CEP162: variants seen among roughly 807,000 people sequenced by gnomAD.
CEP162 encodes the protein centrosomal protein 162.
A neutral mutation model predicts 169.2 loss-of-function variants in CEP162; 141 were observed. The ratio of observed to expected loss-of-function variants is 0.83; its 90% CI spans 0.73 to 0.96. The LOEUF is 0.96. Ranked by LOEUF, CEP162 falls within the 40% of genes least tolerant of loss-of-function variation. The pLI, the probability that CEP162 is intolerant of heterozygous loss-of-function variation, is 0.00. For missense variants in CEP162, 1,600 were observed against 1,587.2 expected, an observed-to-expected ratio of 1.01 and a Z score of -0.14; for synonymous variants, 540 against 526.4, an observed-to-expected ratio of 1.03 and a Z score of -0.35.
chr6:84,209,619 C>A (rs2099548658), intron 6 of CEP162, among the ~76,000 whole-genome samples: 1 of 152,176 alleles, frequency 6.6e-6, no homozygotes, highest in Non-Finnish European at 1.5e-5. Context: ...AGGTGATCCA[C>A]CCGCCTTGGC....
intron 6 of CEP162, among the ~76,000 whole-genome samples, chr6:84,209,168 C>A (rs370060721): frequency 6.6e-6 from 1 of 152,162 alleles, no homozygotes; most frequent in African/African-American, 2.4e-5. Context: ...CTACTTTCAG[C>A]TGTAGAACCA....
chr6:84,173,198 T>C (rs970806649), intron 16 of CEP162, among the ~76,000 whole-genome samples: 8 of 152,198 alleles, frequency 5.3e-5, no homozygotes. Context: ...TAACTTTCAT[T>C]GATCGATTGC....
chr6:84,157,662 G>A (rs558652209), intron 21 of CEP162, among the ~76,000 whole-genome samples: 6 of 151,514 alleles, frequency 4.0e-5, no homozygotes, highest in South Asian at 4.2e-4. Flanking sequence ...GTGAGACAAC[G>A]TCTCAAAAAA....
At chr6:84,206,519 G>A (rs1481423128) in intron 6 of CEP162, among the ~76,000 whole-genome samples, 3 of 152,228 alleles carry the variant, frequency 2.0e-5, no homozygotes, top group Non-Finnish European at 2.9e-5. Context: ...CTAGCCATAT[G>A]TAGAAAGCTG....
chr6:84,211,824 A>T (rs148800064), intron 6 of CEP162, among the ~76,000 whole-genome samples: 2 of 151,722 alleles, frequency 1.3e-5, no homozygotes, highest in East Asian at 3.9e-4. Context: ...CCATAGATCA[A>T]TGATGCTCAA....
intron 18 of CEP162, among the ~76,000 whole-genome samples, chr6:84,165,025 T>C (rs2099527287): frequency 6.6e-6 from 1 of 151,904 alleles, no homozygotes; most frequent in Admixed American, 6.6e-5. Flanking sequence ...GCCAGAGACC[T>C]CCTTGCTGTG....
At chr6:84,168,393 C>T (rs1018531726) in intron 18 of CEP162, among the ~76,000 whole-genome samples, 5 of 152,050 alleles carry the variant, frequency 3.3e-5, no homozygotes, top group African/African-American at 1.2e-4. Context: ...ACCCTGTTAC[C>T]TTTATTAACT....
At chr6:84,209,634 C>A (rs1467665992) in intron 6 of CEP162, among the ~76,000 whole-genome samples, 1 of 152,098 alleles carries the variant, frequency 6.6e-6, no homozygotes, top group Non-Finnish European at 1.5e-5. Context: ...CTTGGCCTCA[C>A]AAAGTGCTGG....
intron 22 of CEP162, 118 bp from the exon 23 acceptor site, chr6:84,153,297 G>C: frequency 1.1e-6 from 1 of 872,334 alleles, no homozygotes; most frequent in Non-Finnish European, 1.7e-6. Flanking sequence ...TATACATTCT[G>C]ATGTCTACAA....
intron 20 of CEP162, among the ~76,000 whole-genome samples, 164 bp from the exon 21 acceptor site, chr6:84,161,080 T>G (rs191818643): frequency 1.1e-4 from 17 of 152,254 alleles, no homozygotes; most frequent in Non-Finnish European, 2.5e-4. Flanking sequence ...TTCCAGGCAC[T>G]TCCTAGATCT....
At chr6:84,185,601 C>T (rs1738443871) in intron 12 of CEP162, among the ~76,000 whole-genome samples, 153 bp from the exon 13 acceptor site, 1 of 152,098 alleles carries the variant, frequency 6.6e-6, no homozygotes, top group African/African-American at 2.4e-5. Context: ...AAGTCTAATG[C>T]ATCAGAATTT....
rs1391267374 is a variant in CEP162 at position 84,215,397 on chromosome 6, C to G, written c.388G>C (p.Glu130Gln). ...VGLDTLEEQE[E>Q]KEQFFARLEK... ...AGCCTGGCAAAAAATTGTTCTTTCT[C>G]CTCTTGTTCTTCTAATGTGTCCAAT... The change falls in exon 5 of 27, where the codon GAG becomes CAG. Residue 130 changes from glutamate to glutamine, a missense_variant. By Grantham distance (29) the Glu-to-Gln change is conservative. Coordinates refer to ENST00000403245, the MANE Select transcript of CEP162 (RefSeq NM_014895.4). The G allele has an allele frequency of 1.9e-6, 3 of 1,610,072 alleles. No homozygotes were observed. In the African/African-American group the frequency reaches 4.0e-5, roughly 22 times the overall value.
chr6:84,214,894 T>C (rs1667427225), intron 5 of CEP162, among the ~76,000 whole-genome samples: 1 of 152,164 alleles, frequency 6.6e-6, no homozygotes, highest in South Asian at 2.1e-4. Flanking sequence ...AAGACACAGA[T>C]CAAACTTGTC....
At chr6:84,219,735 A>G (rs1256757069) in intron 3 of CEP162, among the ~76,000 whole-genome samples, 1 of 152,244 alleles carries the variant, frequency 6.6e-6, no homozygotes, top group Non-Finnish European at 1.5e-5. Flanking sequence ...TTTAACATGC[A>G]TTTATTAAAC....
At position 84,124,928 on chromosome 6, in the gene CEP162, A is replaced by G; in HGVS notation, c.*142T>C. 1 of 690,308 alleles carries G rather than the reference A, an allele frequency of 1.4e-6. No homozygotes were observed. The highest frequency in any genetic ancestry group is 1.8e-5 in the South Asian group (1 of 56,824). 42.8% of individuals were successfully genotyped at this position (690,308 alleles called of 1,614,324 possible). On this transcript the variant is annotated 3_prime_UTR_variant, in exon 27 of 27. Transcript: ENST00000403245. ...TTTTTTTTCTTATTGGTTAAAGGCA[A>G]TTTATTTTGAAATGTTGCTTTGGTT... is the stretch of plus-strand genomic sequence containing the variant.
chr6:84,163,781 C>A (rs867536433), intron 18 of CEP162, among the ~76,000 whole-genome samples: 2 of 151,934 alleles, frequency 1.3e-5, no homozygotes, highest in Non-Finnish European at 2.9e-5. Flanking sequence ...GTATGGCCAA[C>A]AAGGTGAAAC....
At chr6:84,172,243 T>G (rs2099530445) in intron 16 of CEP162, among the ~76,000 whole-genome samples, 1 of 152,120 alleles carries the variant, frequency 6.6e-6, no homozygotes, top group Non-Finnish European at 1.5e-5. Flanking sequence ...AAGACCGGTG[T>G]TTCTGAAAGT....
intron 21 of CEP162, among the ~76,000 whole-genome samples, chr6:84,157,020 T>C (rs1163010429): frequency 6.6e-6 from 1 of 152,140 alleles, no homozygotes; most frequent in Non-Finnish European, 1.5e-5. Flanking sequence ...ACAGTGTTCA[T>C]TATTTGGGTA....
At chr6:84,223,150 C>T (rs1337729650) in intron 2 of CEP162, among the ~76,000 whole-genome samples, 1 of 152,172 alleles carries the variant, frequency 6.6e-6, no homozygotes, top group Non-Finnish European at 1.5e-5. Context: ...AACAACCTTC[C>T]ACAGTGCTTC....
Sources: allele counts gnomAD v4.1 joint callset (sites outside exome capture counted in the v4.1 genomes callset), GRCh38; gene constraint gnomAD v4.1.1; transcripts MANE v1.5; gene names NCBI Gene and HGNC (gene_info 2026-07-23, HGNC 2026-07-21).